The following ERC1 variants were observed in gnomAD, a reference collection of about 807,000 sequenced individuals.
ERC1 encodes the protein ELKS/RAB6-interacting/CAST family member 1, also known as RAB6 interacting protein 2.
In ERC1, 56 loss-of-function variants were observed where a neutral mutation model predicts 132.0. The ratio of observed to expected loss-of-function variants is 0.42; its 90% CI spans 0.34 to 0.53. ERC1 has a LOEUF of 0.53. ERC1 is among the 20% of genes least tolerant of loss of function. The probability of loss-of-function intolerance (pLI) is 0.03; values close to 1 mark genes in which losing one functional copy is unlikely to be tolerated. For synonymous variants in ERC1, 478 were observed against 476.1 expected (o/e 1.00, Z -0.05); for missense variants, 1,202 against 1,349.9 (o/e 0.89, Z 1.72).
rs564027962 is a variant in ERC1 at position 1,181,935 on chromosome 12, T to C, written c.1886T>C (p.Ile629Thr). ...ATATTCTCTCATCAGGAGCGGACAA[T>C]TGAACGCTTAAAGGAGCAGAGGGAC... Reference protein sequence around the residue: ...EEALAEKERTIERLKEQRDRD... With the variant: ...EEALAEKERTTERLKEQRDRD... Residue 629 changes from isoleucine (I) to threonine (T), a missense_variant, in exon 10 of 19, where the codon ATT becomes ACT. Physicochemically the swap from Ile to Thr is moderately conservative, Grantham distance 89. Coordinates refer to ENST00000360905, the MANE Select transcript of ERC1 (RefSeq NM_178040.4). The C allele has an allele frequency of 1.5e-5, 24 of 1,613,330 alleles. No individual in the cohort carries two copies. In the South Asian group the frequency reaches 2.6e-4, roughly 18 times the overall value.
chr12:1,330,442 GTATTATTAT>G (rs148204080), intron 15 of ERC1, among the ~76,000 whole-genome samples: 2 of 151,602 alleles, frequency 1.3e-5, no homozygotes, highest in Non-Finnish European at 2.9e-5. Context: ...CCCAGTTTTT[GTATTATTAT>G]TATTATTATT....
intron 16 of ERC1, chr12:1,381,327 T>C (rs2088630997): frequency 6.6e-6 from 1 of 152,196 alleles, no homozygotes; most frequent in East Asian, 1.9e-4. Context: ...TCTATAATAA[T>C]TCAACGGCCC....
intron 7 of ERC1, chr12:1,116,281 A>G (rs1308860011): frequency 5.8e-6 from 2 of 346,130 alleles, no homozygotes; most frequent in African/African-American, 2.1e-5. Context: ...TCTGTACTTC[A>G]AAGTATACTC....
chr12:1,276,536 G>A (rs2078285252), intron 14 of ERC1, among the ~76,000 whole-genome samples: 1 of 151,502 alleles, frequency 6.6e-6, no homozygotes, highest in African/African-American at 2.4e-5. Flanking sequence ...ACTGTGCCCA[G>A]CCTCTCATGT....
At chr12:1,333,558 C>G (rs930570079) in intron 15 of ERC1, among the ~76,000 whole-genome samples, 13 of 152,112 alleles carry the variant, frequency 8.5e-5, no homozygotes, top group Middle Eastern at 3.4e-3. Flanking sequence ...GTCTCGATCT[C>G]CTGACCTCAT....
At chr12:1,034,477 T>C (rs1968684988) in intron 2 of ERC1, among the ~76,000 whole-genome samples, 1 of 152,104 alleles carries the variant, frequency 6.6e-6, no homozygotes, top group Non-Finnish European at 1.5e-5. Context: ...AAATTGCATG[T>C]GAATAAACAC....
At chr12:1,249,818 G>A (rs1287881064) in intron 13 of ERC1, among the ~76,000 whole-genome samples, 8 of 152,170 alleles carry the variant, frequency 5.3e-5, no homozygotes, top group Non-Finnish European at 1.0e-4. Flanking sequence ...TCTGGTACAG[G>A]TCCACTTTCT....
In ERC1 at chr12:1,494,950, T is replaced by C. The variant is rs1322023760; in HGVS notation, c.*4720T>C. 4.3e-6 allele frequency: 1 copy of C among 230,464 alleles called. No homozygotes were observed. The highest frequency in any genetic ancestry group is 2.2e-5 in the African/African-American group (1 of 45,156). The allele number at this position is 230,464 out of a possible 1,614,324, so 14.3% of individuals were successfully genotyped here. A position where few individuals can be genotyped will look rare whatever the true frequency, so the allele number is the denominator to read the frequency against. ...CGGCTTAGGAAGCATGGAGCACACT[T>C]AGGGTAGTGCCTGCCTGGGCAAGAG... On this transcript the variant is annotated 3_prime_UTR_variant, in exon 19 of 19. Coordinates refer to ENST00000360905, the MANE Select transcript of ERC1 (RefSeq NM_178040.4).
At chr12:1,388,586 G>C (rs1456396709) in intron 16 of ERC1, among the ~76,000 whole-genome samples, 1 of 152,124 alleles carries the variant, frequency 6.6e-6, no homozygotes, top group Non-Finnish European at 1.5e-5. Context: ...GCTTGGACTT[G>C]CTCCTGTAGG....
intron 11 of ERC1, 115 bp downstream of exon 11, chr12:1,183,536 A>T (rs925502420): frequency 3.5e-6 from 2 of 571,264 alleles, no homozygotes; most frequent in African/African-American, 1.9e-5. Context: ...GCCAAACTTT[A>T]AAATACCATG....
intron 16 of ERC1, among the ~76,000 whole-genome samples, chr12:1,396,891 T>A (rs972494486): frequency 6.6e-6 from 1 of 152,162 alleles, no homozygotes; most frequent in Non-Finnish European, 1.5e-5. Flanking sequence ...CAAGACTCGT[T>A]CAGTCAAACG....
At chr12:1,398,133 G>A (rs575018414) in intron 16 of ERC1, among the ~76,000 whole-genome samples, 227 of 152,100 alleles carry the variant, frequency 1.5e-3, no homozygotes, top group Non-Finnish European at 2.8e-3. Flanking sequence ...GCGGGCACAT[G>A]CCACCGTGTC....
intron 15 of ERC1, among the ~76,000 whole-genome samples, chr12:1,319,887 G>T (rs1004531750): frequency 2.5e-4 from 38 of 152,202 alleles, no homozygotes; most frequent in African/African-American, 8.7e-4. Flanking sequence ...ATAGCATATA[G>T]AATACTTGTG....
At position 1,302,605 on chromosome 12, in the gene ERC1, C is replaced by T. The variant is rs1192866533; in HGVS notation, c.2780+12593C>T. Among the ~76,000 whole-genome samples the T allele has an allele frequency of 2.0e-5, 3 of 152,288 alleles. No homozygotes were observed. The East Asian group carries it at 5.8e-4, about 29-fold the overall frequency. On this transcript the variant is annotated intron_variant, in intron 15 of 18. Coordinates refer to ENST00000360905, the MANE Select transcript of ERC1 (RefSeq NM_178040.4). ...GGGATACTGCAAGTTTTGTTCCAGA[C>T]TACTGAAATAAAGTGCATATTGTAA...
intron 15 of ERC1, among the ~76,000 whole-genome samples, chr12:1,331,087 A>G (rs1197820316): frequency 6.6e-6 from 1 of 152,186 alleles, no homozygotes; most frequent in Non-Finnish European, 1.5e-5. Flanking sequence ...AGTCTGAAAA[A>G]TTTATGTAAC....
intron 1 of ERC1, among the ~76,000 whole-genome samples, chr12:1,021,715 AGTG>A (rs937101591): frequency 4.6e-5 from 7 of 150,580 alleles, no homozygotes; most frequent in Non-Finnish European, 7.4e-5. Flanking sequence ...AAAAAAAAAA[AGTG>A]GTGGATTCCC....
intron 14 of ERC1, among the ~76,000 whole-genome samples, chr12:1,289,228 G>A (rs1474925187): frequency 6.9e-6 from 1 of 145,304 alleles, no homozygotes; most frequent in Non-Finnish European, 1.5e-5. Flanking sequence ...GTAGTATATA[G>A]GTATATATAT....
intron 1 of ERC1, among the ~76,000 whole-genome samples, chr12:1,006,662 T>C (rs1963668417): frequency 1.3e-5 from 2 of 151,962 alleles, no homozygotes; most frequent in Admixed American, 6.6e-5. Context: ...TCCCAAAGTG[T>C]TGGTATTGCA....
Position 1,180,619 on chromosome 12 carries a change from CT to C in ERC1, c.1818del (p.Asp607ThrfsTer9). The C allele has an allele frequency of 6.2e-7, 1 of 1,614,040 alleles. No homozygotes were observed. The highest frequency in any genetic ancestry group is 8.5e-7 in the Non-Finnish European group (1 of 1,180,012). On this transcript the variant is annotated frameshift_variant, in exon 9 of 19. Coordinates refer to ENST00000360905, the MANE Select transcript of ERC1 (RefSeq NM_178040.4). LOFTEE classifies it high-confidence loss of function. ...SLKERVKSLQ[A>X]DTTNTDTALT... ...AAAGAACGGGTCAAATCCTTGCAGG[CT>C]GACACCACCAACACTGACACTGCCT... is the stretch of plus-strand genomic sequence containing the variant.
Sources: gnomAD v4.1 joint callset for allele counts (sites outside exome capture counted in the v4.1 genomes callset) on GRCh38, gnomAD v4.1.1 for gene constraint, MANE v1.5 for transcripts, NCBI Gene and HGNC (gene_info 2026-07-23, HGNC 2026-07-21) for gene names.